The following R3HDM1 variants were observed in gnomAD, a reference collection of about 807,000 sequenced individuals.
R3HDM1 encodes the protein R3H domain containing 1.
A neutral mutation model predicts 141.1 loss-of-function variants in R3HDM1; 46 were observed. The ratio of observed to expected loss-of-function variants is 0.33; its 90% CI spans 0.26 to 0.42. The LOEUF is 0.42. R3HDM1 is among the 10% of genes least tolerant of loss of function. R3HDM1 has a pLI of 1.00. For synonymous variants in R3HDM1, 435 were observed against 472.9 expected (o/e 0.92, Z 1.04); for missense variants, 1,184 against 1,368.3 (o/e 0.87, Z 2.12).
chr2:135,622,306 A>T, intron 6 of R3HDM1: 1 of 984,876 alleles, frequency 1.0e-6, no homozygotes, highest in Non-Finnish European at 1.2e-6. Context: ...AATTATGTAA[A>T]TCATTTAAAT....
intron 20 of R3HDM1, among the ~76,000 whole-genome samples, chr2:135,679,284 A>G (rs2069798644): frequency 6.6e-6 from 1 of 151,946 alleles, no homozygotes; most frequent in African/African-American, 2.4e-5. Flanking sequence ...GATATAGAAA[A>G]CAGAACTGAA....
At chr2:135,559,080 T>C (rs1701304759) in intron 1 of R3HDM1, 2 of 955,452 alleles carry the variant, frequency 2.1e-6, no homozygotes, top group East Asian at 1.2e-4. Context: ...TGTGTGTGTG[T>C]GTGTGTGTGT....
chr2:135,679,457 A>G (rs905288647), intron 20 of R3HDM1, among the ~76,000 whole-genome samples: 37 of 152,288 alleles, frequency 2.4e-4, no homozygotes, highest in Non-Finnish European at 3.8e-4. Flanking sequence ...ACTTAGATAG[A>G]TGGCTGATAT....
chr2:135,673,378 G>C (rs952843041), intron 19 of R3HDM1, among the ~76,000 whole-genome samples: 1 of 152,150 alleles, frequency 6.6e-6, no homozygotes, highest in Non-Finnish European at 1.5e-5. Context: ...ACAAAAAAAG[G>C]TCTCATGTTC....
intron 24 of R3HDM1, among the ~76,000 whole-genome samples, chr2:135,719,114 C>T (rs2076444193): frequency 6.6e-6 from 1 of 152,054 alleles, no homozygotes. Context: ...TGCCACTGCA[C>T]TCCAGCCTGG....
Position 135,651,934 on chromosome 2 carries a change from G to A in R3HDM1, c.1930G>A (p.Gly644Arg). The change falls in exon 18 of 27, where the codon GGG becomes AGG. Residue 644 changes from glycine to arginine, a missense_variant. Around this residue, in one of 5 missense-constraint regions of R3HDM1, gnomAD observed 563 missense variants for 562.0 expected, o/e 1.00. Transcript: ENST00000683871. ...PPPPPPPLPP[G>R]QPVPTAGYPA... ...ACCTCCTCCTCCTCCCCTACCACCT[G>A]GGCAGCCAGTCCCTACTGCTGGATA... 6.2e-7 allele frequency: 1 copy of A among 1,613,582 alleles called. No homozygotes were observed. Among genetic ancestry groups the A allele is most frequent in the Non-Finnish European group, 8.5e-7 (1 of 1,179,828 alleles).
intron 3 of R3HDM1, among the ~76,000 whole-genome samples, chr2:135,613,130 T>C (rs1048308070): frequency 2.0e-5 from 3 of 152,334 alleles, no homozygotes; most frequent in Admixed American, 2.0e-4. Context: ...GGCCCAACTG[T>C]GTTGTCCGCT....
In R3HDM1 at chr2:135,725,255, ATG is replaced by A. The variant is rs1265172827; in HGVS notation, c.*965_*966del. 6.6e-6 allele frequency: 1 copy of A among 150,724 alleles called. No homozygotes were observed. Among genetic ancestry groups the A allele is most frequent in the Non-Finnish European group, 1.5e-5 (1 of 67,984 alleles). The allele number at this position is 150,724 out of a possible 1,614,324, so 9.3% of individuals were successfully genotyped here. A position where few individuals can be genotyped will look rare whatever the true frequency, so the allele number is the denominator to read the frequency against. On this transcript the variant is annotated 3_prime_UTR_variant, in exon 27 of 27. Coordinates refer to ENST00000683871, the MANE Select transcript of R3HDM1 (RefSeq NM_001378107.1). ...AGCCTTTTTCAGTTCAAGAGAATAA[ATG>A]TTTACAAATATAGGCTCACTTTGTC...
intron 3 of R3HDM1, among the ~76,000 whole-genome samples, chr2:135,612,633 A>G (rs1195482840): frequency 6.6e-6 from 1 of 152,180 alleles, no homozygotes; most frequent in Non-Finnish European, 1.5e-5. Context: ...AACAATGTAA[A>G]TTATAAATTG....
At chr2:135,663,866 T>G (rs916854674) in intron 19 of R3HDM1, among the ~76,000 whole-genome samples, 10 of 151,834 alleles carry the variant, frequency 6.6e-5, no homozygotes, top group African/African-American at 2.2e-4. Flanking sequence ...GTGTCTACTT[T>G]AAAAATACAC....
At chr2:135,556,009 C>T (rs1441958089) in intron 1 of R3HDM1, among the ~76,000 whole-genome samples, 1 of 152,020 alleles carries the variant, frequency 6.6e-6, no homozygotes, top group African/African-American at 2.4e-5. Flanking sequence ...GAACAAGACC[C>T]TGTCCCAAGT....
intron 1 of R3HDM1, among the ~76,000 whole-genome samples, chr2:135,552,404 C>A (rs1302263311): frequency 6.6e-6 from 1 of 152,134 alleles, no homozygotes. Flanking sequence ...CCATGTTGGA[C>A]AGGCTGGTCT....
chr2:135,538,990 A>C (rs1259074979), intron 1 of R3HDM1, among the ~76,000 whole-genome samples: 1 of 152,182 alleles, frequency 6.6e-6, no homozygotes, highest in South Asian at 2.1e-4. Context: ...ATGTAAACAC[A>C]TGCATTAGCA....
chr2:135,645,498 C>A lies in R3HDM1; in HGVS notation c.1594C>A (p.Gln532Lys). The A allele has an allele frequency of 1.9e-6, 3 of 1,614,130 alleles. No individual in the cohort carries two copies. The highest frequency in any genetic ancestry group is 2.5e-6 in the Non-Finnish European group (3 of 1,179,992). The part of the protein sequence containing the change: ...PQPPLPAPPQ[Q>K]PAANHIFSQP... ...GCCACCTCTGCCAGCCCCACCTCAA[C>A]AACCAGCAGCTAATCACATTTTCTC... is the stretch of plus-strand genomic sequence containing the variant. Residue 532 changes from glutamine to lysine, a missense_variant, in exon 16 of 27, where the codon CAA becomes AAA. Physicochemically the swap from Gln to Lys is moderately conservative, Grantham distance 53 (BLOSUM62 1). Coordinates refer to ENST00000683871, the MANE Select transcript of R3HDM1 (RefSeq NM_001378107.1).
At chr2:135,689,064 A>G (rs1250736105) in intron 21 of R3HDM1, among the ~76,000 whole-genome samples, 1 of 152,186 alleles carries the variant, frequency 6.6e-6, no homozygotes, top group Non-Finnish European at 1.5e-5. Flanking sequence ...TCAACCCTAT[A>G]TATCTTCATT....
intron 19 of R3HDM1, among the ~76,000 whole-genome samples, chr2:135,663,145 AAAAAAAAAAAT>A (rs1187822235): frequency 1.3e-5 from 2 of 151,084 alleles, no homozygotes; most frequent in South Asian, 2.1e-4. Flanking sequence ...AAAAAAAAAA[AAAAAAAAAAAT>A]ATGACACTTA....
At chr2:135,623,317 T>C (rs1169779857) in intron 7 of R3HDM1, among the ~76,000 whole-genome samples, 3 of 152,226 alleles carry the variant, frequency 2.0e-5, no homozygotes, top group Non-Finnish European at 4.4e-5. Flanking sequence ...AACACTTTCA[T>C]GGAGTGAAAG....
intron 1 of R3HDM1, among the ~76,000 whole-genome samples, chr2:135,597,651 A>T (rs528432441): frequency 1.4e-4 from 21 of 152,312 alleles, no homozygotes; most frequent in Admixed American, 1.1e-3. Flanking sequence ...ATCTTATCTA[A>T]TGAAACGGGA....
intron 1 of R3HDM1, among the ~76,000 whole-genome samples, chr2:135,547,013 A>G (rs1263358816): frequency 6.6e-6 from 1 of 152,100 alleles, no homozygotes; most frequent in Non-Finnish European, 1.5e-5. Flanking sequence ...TTTTTTTAAG[A>G]TCATTTTAAT....
Sources: gnomAD v4.1 joint callset for allele counts (sites outside exome capture counted in the v4.1 genomes callset) on GRCh38, gnomAD v4.1.1 for gene constraint, gnomAD v4.1.1 regional missense constraint, MANE v1.5 for transcripts, NCBI Gene and HGNC (gene_info 2026-07-23, HGNC 2026-07-21) for gene names.